RBPJ: variants seen among roughly 807,000 people sequenced by gnomAD.
RBPJ encodes recombination signal binding protein for immunoglobulin kappa J region.
Under a neutral mutation model 67.8 loss-of-function variants are expected in RBPJ, and 9 were observed. That is an observed-to-expected ratio of 0.13 (90% CI 0.08 to 0.23). RBPJ has a LOEUF of 0.23. Among genes scored for constraint, RBPJ ranks in the 10% least tolerant of loss-of-function variants. RBPJ has a pLI of 1.00. For missense variants in RBPJ, 305 were observed against 595.6 expected (o/e 0.51, Z 5.08); for synonymous variants, 198 against 203.3 (o/e 0.97, Z 0.22).
intron 1 of RBPJ, among the ~76,000 whole-genome samples, chr4:26,247,571 C>T (rs543846740): frequency 3.3e-5 from 5 of 152,150 alleles, no homozygotes; most frequent in South Asian, 2.1e-4. Context: ...CCACCGCGTC[C>T]GGCTAATTTG....
intron 1 of RBPJ, among the ~76,000 whole-genome samples, chr4:26,292,010 A>G (rs1245717941): frequency 6.6e-6 from 1 of 150,952 alleles, no homozygotes; most frequent in Non-Finnish European, 1.5e-5. Context: ...TTGTGAAATG[A>G]TTACCACAAT....
chr4:26,133,545 G>A, the RBPJ span, among the ~76,000 whole-genome samples: 41,071 of 152,092 alleles, frequency 0.27, 6,132 homozygotes, highest in South Asian at 0.4. Context: ...GCCACACAGC[G>A]GGTGAGCAGT....
chr4:26,155,284 C>A, the RBPJ span, among the ~76,000 whole-genome samples: 2 of 152,156 alleles, frequency 1.3e-5, no homozygotes, highest in African/African-American at 4.8e-5. Flanking sequence ...ACCAGCTGAG[C>A]GCCATTTCCA....
At chr4:26,138,484 A>T in the RBPJ span, among the ~76,000 whole-genome samples, 1 of 152,178 alleles carries the variant, frequency 6.6e-6, no homozygotes, top group East Asian at 1.9e-4. Flanking sequence ...GAAGAGCCTC[A>T]GAGATGTTGG....
the RBPJ span, among the ~76,000 whole-genome samples, chr4:26,123,485 T>A: frequency 6.6e-6 from 1 of 152,186 alleles, no homozygotes; most frequent in Non-Finnish European, 1.5e-5. Context: ...ACTGTACACT[T>A]AGGCTACACT....
At chr4:26,146,566 G>T in the RBPJ span, among the ~76,000 whole-genome samples, 45 of 152,260 alleles carry the variant, frequency 3.0e-4, 1 homozygote, top group South Asian at 5.0e-3. Context: ...ACATTTTTGT[G>T]CTTCACAAGA....
At chr4:26,390,413 G>T (rs1731383312) in intron 2 of RBPJ, among the ~76,000 whole-genome samples, 1 of 152,144 alleles carries the variant, frequency 6.6e-6, no homozygotes, top group Non-Finnish European at 1.5e-5. Context: ...GCCAGAAAAA[G>T]AAATGAAAGA....
At chr4:26,192,130 T>G (rs1717580902) in intron 1 of RBPJ, among the ~76,000 whole-genome samples, 1 of 151,714 alleles carries the variant, frequency 6.6e-6, no homozygotes, top group African/African-American at 2.4e-5. Context: ...TACCTCAGCC[T>G]CCCAAGTAGC....
chr4:26,365,298 G>GA (rs1728513308), intron 1 of RBPJ, among the ~76,000 whole-genome samples: 1 of 152,022 alleles, frequency 6.6e-6, no homozygotes, highest in South Asian at 2.1e-4. Context: ...CTATTTGACT[G>GA]ATGTTTTCAA....
At chr4:26,169,734 G>A (rs185747293) in intron 1 of RBPJ, among the ~76,000 whole-genome samples, 13 of 152,318 alleles carry the variant, frequency 8.5e-5, no homozygotes, top group East Asian at 3.9e-4. Context: ...CACCCAGTTC[G>A]AGCTTCCCGG....
At chr4:26,313,075 A>G (rs1722489189) in intron 1 of RBPJ, among the ~76,000 whole-genome samples, 1 of 152,188 alleles carries the variant, frequency 6.6e-6, no homozygotes, top group Admixed American at 6.5e-5. Context: ...GGCATATGCC[A>G]CCATGCCCAG....
intron 5 of RBPJ, among the ~76,000 whole-genome samples, chr4:26,421,393 C>G (rs1038318304): frequency 6.6e-6 from 1 of 151,954 alleles, no homozygotes; most frequent in African/African-American, 2.4e-5. Context: ...ACCTCCACCT[C>G]CCGGGTTCAA....
chr4:26,115,532 G>C, the RBPJ span, among the ~76,000 whole-genome samples: 1 of 152,060 alleles, frequency 6.6e-6, no homozygotes, highest in Non-Finnish European at 1.5e-5. Context: ...CTACAGGCGC[G>C]TGTCACCACG....
chr4:26,215,438 G>A (rs1333603796), intron 1 of RBPJ, among the ~76,000 whole-genome samples: 9 of 150,816 alleles, frequency 6.0e-5, no homozygotes, highest in South Asian at 2.1e-4. Flanking sequence ...GGAAGGGGAC[G>A]ACTACATCAA....
upstream of RBPJ, among the ~76,000 whole-genome samples, chr4:26,315,655 C>T (rs9685263): frequency 6.6e-6 from 1 of 152,010 alleles, no homozygotes; most frequent in African/African-American, 2.4e-5. Flanking sequence ...CTGGTCTGAC[C>T]TCAAATTTAC....
upstream of RBPJ, chr4:26,320,572 G>C (rs929455821): frequency 3.5e-6 from 2 of 571,496 alleles, no homozygotes; most frequent in African/African-American, 1.9e-5. Context: ...CACCCATTGA[G>C]GAGGTGTTTC....
chr4:26,415,544 A>G lies in RBPJ; in HGVS notation c.225A>G (p.Glu75=), dbSNP rs894731627. ...GGAAGAAAAAAAAAGAACAAATGGAACGCGATGGTTGTTCTGAACAAGAGT... is the reference window on the plus strand; with the variant it reads ...GGAAGAAAAAAAAAGAACAAATGGAGCGCGATGGTTGTTCTGAACAAGAGT... The part of the protein sequence containing the change: ...SGWKKKKEQM[E]RDGCSEQESQ... The change falls in exon 4 of 11, where the codon GAA becomes GAG. Residue 75 remains glutamate (E), a synonymous_variant. Coordinates refer to ENST00000355476, the MANE Select transcript of RBPJ (RefSeq NM_015874.6). 17 of 1,613,346 alleles carry G rather than the reference A, an allele frequency of 1.1e-5. No individual in the cohort carries two copies. Among genetic ancestry groups the G allele is most frequent in the Admixed American group, 1.7e-5 (1 of 59,926 alleles).
the RBPJ span, among the ~76,000 whole-genome samples, chr4:26,117,266 G>A: frequency 6.6e-6 from 1 of 152,020 alleles, no homozygotes; most frequent in Non-Finnish European, 1.5e-5. Context: ...CATCTCCCAT[G>A]ACCACAAAAC....
At chr4:26,109,097 C>T in the RBPJ span, among the ~76,000 whole-genome samples, 3 of 136,712 alleles carry the variant, frequency 2.2e-5, no homozygotes, top group South Asian at 2.2e-4. Flanking sequence ...TCTCTCTTGC[C>T]TTCCTCTTTT....
Sources: allele counts gnomAD v4.1 joint callset (sites outside exome capture counted in the v4.1 genomes callset), GRCh38; gene constraint gnomAD v4.1.1; transcripts MANE v1.5; gene names NCBI Gene and HGNC (gene_info 2026-07-23, HGNC 2026-07-21).